Variants in CELF2 observed in about 807,000 individuals in gnomAD.
CELF2 encodes the protein CUGBP Elav-like family member 2.
A neutral mutation model predicts 62.6 loss-of-function variants in CELF2; 8 were observed. The observed-to-expected ratio is 0.13, with a 90% CI of 0.07 to 0.23. The LOEUF (loss-of-function observed/expected upper bound fraction) is 0.23. CELF2 is among the 10% of genes least tolerant of loss of function. The probability of loss-of-function intolerance (pLI) is 1.00; values close to 1 mark genes in which losing one functional copy is unlikely to be tolerated. For missense variants in CELF2, 333 were observed against 671.0 expected, an observed-to-expected ratio of 0.50 and a Z score of 5.56; for synonymous variants, 258 against 250.0, an observed-to-expected ratio of 1.03 and a Z score of -0.30.
chr10:11,233,017 T>G (rs531303904), intron 3 of CELF2, among the ~76,000 whole-genome samples: 3 of 152,346 alleles, frequency 2.0e-5, no homozygotes, highest in Non-Finnish European at 4.4e-5. Flanking sequence ...TGGCACACTC[T>G]GTAAGTTTCA....
chr10:10,979,400 G>A (rs1217179960), intron 2 of CELF2, among the ~76,000 whole-genome samples: 1 of 152,218 alleles, frequency 6.6e-6, no homozygotes, highest in East Asian at 1.9e-4. Context: ...GCCTGACGCT[G>A]TGCCTCACGC....
the CELF2 span, among the ~76,000 whole-genome samples, chr10:10,462,885 A>G: frequency 6.6e-6 from 1 of 151,958 alleles, no homozygotes; most frequent in African/African-American, 2.4e-5. Flanking sequence ...TGAGTTGTTG[A>G]TTGTTTGGAG....
chr10:11,321,171 G>A lies in CELF2; in HGVS notation c.1097-18G>A. On this transcript the variant is annotated intron_variant, in intron 10 of 12. Transcript: ENST00000633077. The surrounding 1 kb of genome is among the most constrained non-coding windows in gnomAD (Gnocchi z 6.2). ...ATAAGTGCTGTTTCTCTTCTCTATTGTTGGGTTTTTTGTAAAGTTGCTCAA... is the reference window on the plus strand; with the variant it reads ...ATAAGTGCTGTTTCTCTTCTCTATTATTGGGTTTTTTGTAAAGTTGCTCAA... 1 of 1,613,350 alleles carries A rather than the reference G, an allele frequency of 6.2e-7. No homozygotes were observed. The highest frequency in any genetic ancestry group is 8.5e-7 in the Non-Finnish European group (1 of 1,179,388).
chr10:10,988,314 G>A (rs1009715207), intron 2 of CELF2, among the ~76,000 whole-genome samples: 1 of 150,234 alleles, frequency 6.7e-6, no homozygotes, highest in Non-Finnish European at 1.5e-5. Flanking sequence ...GAGAGAGAGA[G>A]CATGGAATAC....
At chr10:10,870,824 C>T (rs1336564484) in intron 1 of CELF2, among the ~76,000 whole-genome samples, 1 of 152,190 alleles carries the variant, frequency 6.6e-6, no homozygotes, top group Non-Finnish European at 1.5e-5. Flanking sequence ...TCGCGCTGGC[C>T]TGAGCACAGT....
At chr10:10,821,690 G>A (rs1564669692) in intron 1 of CELF2, among the ~76,000 whole-genome samples, 1 of 152,106 alleles carries the variant, frequency 6.6e-6, no homozygotes, top group African/African-American at 2.4e-5. Flanking sequence ...CTGTTGCCCG[G>A]GCTGGAGTGG....
At chr10:10,803,214 C>T (rs2054848548) in intron 1 of CELF2, among the ~76,000 whole-genome samples, 1 of 152,212 alleles carries the variant, frequency 6.6e-6, no homozygotes. Flanking sequence ...GAAAGCATTA[C>T]AAACGCCATA....
intron 1 of CELF2, among the ~76,000 whole-genome samples, chr10:10,816,602 G>A (rs2056483686): frequency 6.6e-6 from 1 of 152,176 alleles, no homozygotes; most frequent in South Asian, 2.1e-4. Context: ...GTTAACTGGA[G>A]ACATGCTTCT....
chr10:10,481,923 C>A, the CELF2 span, among the ~76,000 whole-genome samples: 1 of 152,090 alleles, frequency 6.6e-6, no homozygotes, highest in Admixed American at 6.6e-5. Flanking sequence ...GTAGAAGGTC[C>A]AATTTAGGCA....
the CELF2 span, among the ~76,000 whole-genome samples, chr10:10,529,921 T>G: frequency 6.6e-6 from 1 of 152,162 alleles, no homozygotes; most frequent in Non-Finnish European, 1.5e-5. Flanking sequence ...TTAAGAACGT[T>G]CCTTTGTTCT....
Position 11,319,674 on chromosome 10 carries a change from G to T in CELF2, c.1097-1515G>T. 2.4e-6 allele frequency: 1 copy of T among 423,494 alleles called. No homozygotes were observed. The highest frequency in any genetic ancestry group is 5.0e-6 in the Non-Finnish European group (1 of 201,674). 26.2% of individuals were successfully genotyped at this position (423,494 alleles called of 1,614,324 possible). A position where few individuals can be genotyped will look rare whatever the true frequency, so the allele number is the denominator to read the frequency against. ...CAGGAGGCTGCCACTCCATTCTCAC[G>T]CCATTCACACTCGTCTCGCCACCCC... On this transcript the variant is annotated intron_variant, in intron 10 of 12. Coordinates refer to ENST00000633077, the MANE Select transcript of CELF2 (RefSeq NM_001326342.2). This position sits in a 1 kb window ranked among gnomAD's most constrained non-coding sequence, Gnocchi z 4.4.
chr10:11,320,826 G>C (rs564007469), intron 10 of CELF2: 10 of 1,391,598 alleles, frequency 7.2e-6, no homozygotes, highest in Middle Eastern at 1.8e-4. Context: ...TGCTACTAAG[G>C]TTTTTTTTTT....
chr10:11,142,105 T>C (rs2061440789), intron 1 of CELF2, among the ~76,000 whole-genome samples: 1 of 152,198 alleles, frequency 6.6e-6, no homozygotes, highest in Admixed American at 6.5e-5. Flanking sequence ...ACATCTGAGA[T>C]TGCATAAAGT....
At position 11,305,357 on chromosome 10, in the gene CELF2, C is replaced by T. The variant is rs767000943; in HGVS notation, c.977-8782C>T. Among the ~76,000 whole-genome samples the T allele has an allele frequency of 7.2e-5, 11 of 152,222 alleles. No homozygotes were observed. Among genetic ancestry groups the T allele is most frequent in the Non-Finnish European group, 1.3e-4 (9 of 68,036 alleles). On this transcript the variant is annotated intron_variant, in intron 9 of 12. Transcript: ENST00000633077. The surrounding 1 kb of genome is among the most constrained non-coding windows in gnomAD (Gnocchi z 4.8). ...TCCTTGTGGAGTCCTCATGCCCACA[C>T]CTGGGTGCCGGCGCCCATCCTGCAT...
At chr10:10,533,925 G>A in the CELF2 span, among the ~76,000 whole-genome samples, 1 of 151,960 alleles carries the variant, frequency 6.6e-6, no homozygotes, top group Non-Finnish European at 1.5e-5. Context: ...GAAGAAGAGA[G>A]TATGAAGAAA....
At chr10:10,519,596 G>A in the CELF2 span, among the ~76,000 whole-genome samples, 2 of 152,172 alleles carry the variant, frequency 1.3e-5, no homozygotes, top group Non-Finnish European at 2.9e-5. Flanking sequence ...CAATGTTCCT[G>A]TCGGGTTCCA....
chr10:11,058,933 A>G (rs937844247), intron 1 of CELF2, among the ~76,000 whole-genome samples: 1 of 152,028 alleles, frequency 6.6e-6, no homozygotes, highest in African/African-American at 2.4e-5. Context: ...AGCATTTATC[A>G]CCATGTCCGG....
At chr10:10,596,143 A>C in the CELF2 span, among the ~76,000 whole-genome samples, 1 of 152,174 alleles carries the variant, frequency 6.6e-6, no homozygotes, top group Non-Finnish European at 1.5e-5. Context: ...GTAGTTCAGA[A>C]AAATGATCAT....
chr10:11,122,183 T>C (rs1404914780), intron 1 of CELF2, among the ~76,000 whole-genome samples: 1 of 152,222 alleles, frequency 6.6e-6, no homozygotes, highest in Non-Finnish European at 1.5e-5. Context: ...CAGTGTTTTT[T>C]TGAAAATGGA....
Sources: gnomAD v4.1 joint callset for allele counts (sites outside exome capture counted in the v4.1 genomes callset) on GRCh38, gnomAD v4.1.1 for gene constraint, Gnocchi (gnomAD v3.1) non-coding constraint, MANE v1.5 for transcripts, NCBI Gene and HGNC (gene_info 2026-07-23, HGNC 2026-07-21) for gene names.